Variants in PIWIL3 observed in about 807,000 individuals in gnomAD.
PIWIL3 encodes piwi-like protein 3.
Under a neutral mutation model 109.7 loss-of-function variants are expected in PIWIL3, and 101 were observed. The observed-to-expected ratio is 0.92, with a 90% CI of 0.78 to 1.09. The LOEUF is 1.09. Among genes scored for constraint, PIWIL3 ranks in the 50% least tolerant of loss-of-function variants. PIWIL3 has a pLI of 0.00. For missense variants in PIWIL3, 1,031 were observed against 1,072.6 expected, an observed-to-expected ratio of 0.96 and a Z score of 0.54; for synonymous variants, 373 against 376.4, an observed-to-expected ratio of 0.99 and a Z score of 0.10.
chr22:24,752,727 G>C lies in PIWIL3; in HGVS notation c.978-1229C>G, dbSNP rs540574031. 3.3e-5 allele frequency among the ~76,000 whole-genome samples: 5 copies of C among 152,216 alleles called. No individual in the cohort carries two copies. In the South Asian group the frequency reaches 1.0e-3, roughly 32 times the overall value. On this transcript the variant is annotated intron_variant, in intron 8 of 20. Transcript: ENST00000616349. The stretch of plus-strand genomic sequence containing the variant: ...GCCACTTCAGTAATGCATATCGTTA[G>C]CATTTTAAGAAAGTGCCAGACTGTT...
At position 24,754,092 on chromosome 22, in the gene PIWIL3, CT is replaced by C. The variant is rs1162327549; in HGVS notation, c.898del (p.Arg300GlufsTer15). The C allele has an allele frequency of 1.2e-6, 2 of 1,613,134 alleles. No homozygotes were observed. Among genetic ancestry groups the C allele is most frequent in the African/African-American group, 2.7e-5 (2 of 74,892 alleles). ...TCCTGTCTGGGCCTGGGCAGATGTT[CT>C]CTTTATGAAATCATAAGCAGTTTCT... is the stretch of plus-strand genomic sequence containing the variant. ...RIETAYDFIK[R>X]TSAQAQTGNI... On this transcript the variant is annotated frameshift_variant, in exon 8 of 21. Coordinates refer to ENST00000616349, the MANE Select transcript of PIWIL3 (RefSeq NM_001255975.1). LOFTEE classifies it high-confidence loss of function.
chr22:24,747,865 C>T (rs535575829), intron 12 of PIWIL3, among the ~76,000 whole-genome samples: 1 of 152,144 alleles, frequency 6.6e-6, no homozygotes, highest in Admixed American at 6.5e-5. Flanking sequence ...CTATGGAGAA[C>T]AGTTTGGAGG....
chr22:24,752,678 A>T (rs1924784030), intron 8 of PIWIL3, among the ~76,000 whole-genome samples: 1 of 151,942 alleles, frequency 6.6e-6, no homozygotes, highest in African/African-American at 2.4e-5. Context: ...TGTGAGACAA[A>T]CCTCATATAT....
At chr22:24,727,877 T>C in intron 16 of PIWIL3, 73 bp downstream of exon 16, 1 of 1,208,732 alleles carries the variant, frequency 8.3e-7, no homozygotes, top group Non-Finnish European at 1.2e-6. Context: ...TTAACACATA[T>C]TAATTAGGTT....
intron 14 of PIWIL3, among the ~76,000 whole-genome samples, chr22:24,729,836 C>G (rs986548991): frequency 3.3e-5 from 5 of 151,674 alleles, no homozygotes; most frequent in African/African-American, 1.2e-4. Flanking sequence ...CTGAAGGTGA[C>G]TTATTTCAAA....
At chr22:24,771,427 A>G (rs886875730) in intron 1 of PIWIL3, among the ~76,000 whole-genome samples, 2 of 150,952 alleles carry the variant, frequency 1.3e-5, no homozygotes, top group African/African-American at 4.9e-5. Flanking sequence ...TTGTGAGCCA[A>G]GATCACACCA....
intron 18 of PIWIL3, among the ~76,000 whole-genome samples, chr22:24,723,945 TGA>T (rs1291846739): frequency 6.6e-6 from 1 of 152,178 alleles, no homozygotes; most frequent in African/African-American, 2.4e-5. Context: ...CCCAAAGTGC[TGA>T]GATTACAGGC....
At chr22:24,770,621 G>A (rs527691796) in intron 1 of PIWIL3, among the ~76,000 whole-genome samples, 21 of 144,862 alleles carry the variant, frequency 1.4e-4, no homozygotes, top group Non-Finnish European at 3.0e-5. Flanking sequence ...TCAGGAGTTC[G>A]AGACCAGCCT....
At position 24,774,345 on chromosome 22, in the gene PIWIL3, G is replaced by A. The variant is rs976451766; in HGVS notation, c.-46C>T. 3 of 152,076 alleles carry A rather than the reference G, an allele frequency of 2.0e-5. No individual in the cohort carries two copies. The highest frequency in any genetic ancestry group is 7.3e-5 in the African/African-American group (3 of 41,368). 9.4% of individuals were successfully genotyped at this position (152,076 alleles called of 1,614,324 possible). ...ACTTATCTGGTCACATATTTCCTTAGAAGCTTCAGTAGTCAGATCCTGATA... is the reference window on the plus strand; with the variant it reads ...ACTTATCTGGTCACATATTTCCTTAAAAGCTTCAGTAGTCAGATCCTGATA... On this transcript the variant is annotated 5_prime_UTR_variant, in exon 1 of 21. Coordinates refer to ENST00000616349, the MANE Select transcript of PIWIL3 (RefSeq NM_001255975.1).
chr22:24,720,125 G>GT (rs1922575410), intron 19 of PIWIL3, among the ~76,000 whole-genome samples: 1 of 152,052 alleles, frequency 6.6e-6, no homozygotes, highest in Admixed American at 6.5e-5. Flanking sequence ...TTGCCTTCAA[G>GT]TACATGCACT....
chr22:24,756,260 C>T (rs1273015587), intron 5 of PIWIL3, among the ~76,000 whole-genome samples: 1 of 151,950 alleles, frequency 6.6e-6, no homozygotes, highest in Admixed American at 6.6e-5. Flanking sequence ...ACTTTGTCAG[C>T]ATTTTTGAGC....
chr22:24,751,061 T>C (rs1170599149), intron 9 of PIWIL3, among the ~76,000 whole-genome samples: 1 of 151,504 alleles, frequency 6.6e-6, no homozygotes, highest in East Asian at 2.0e-4. Flanking sequence ...AAGGTAGAGG[T>C]TGCAATGAGT....
At position 24,756,725 on chromosome 22, in the gene PIWIL3, G is replaced by A. The variant is rs1925055125; in HGVS notation, c.356-20C>T. 6.3e-7 allele frequency: 1 copy of A among 1,585,534 alleles called. No individual in the cohort carries two copies. ...CTGAACCTGAAAAATGGAGCCACAT[G>A]ACAATAAAGAAACAGACTGATTGGG... On this transcript the variant is annotated intron_variant, in intron 4 of 20. Transcript: ENST00000616349.
intron 13 of PIWIL3, among the ~76,000 whole-genome samples, chr22:24,734,984 T>C (rs938235729): frequency 2.6e-5 from 4 of 151,906 alleles, no homozygotes; most frequent in Admixed American, 1.3e-4. Context: ...GAAGACTACA[T>C]ACTGTATGAG....
chr22:24,731,919 T>G (rs1266267416), intron 14 of PIWIL3, among the ~76,000 whole-genome samples: 1 of 152,170 alleles, frequency 6.6e-6, no homozygotes, highest in Non-Finnish European at 1.5e-5. Context: ...TATTTCTGCC[T>G]TATGTATCCC....
At chr22:24,768,652 A>G (rs1351598627) in intron 1 of PIWIL3, among the ~76,000 whole-genome samples, 13 of 152,184 alleles carry the variant, frequency 8.5e-5, no homozygotes, top group African/African-American at 2.2e-4. Context: ...TCTATGGGTG[A>G]CAGGGCCAAA....
chr22:24,763,066 C>T lies in PIWIL3; in HGVS notation c.-22-545G>A, dbSNP rs370404709. Among the ~76,000 whole-genome samples the T allele has an allele frequency of 1.3e-4, 20 of 152,044 alleles. 1 individual carries two copies. The highest frequency in any genetic ancestry group is 1.0e-3 in the Admixed American group (16 of 15,266). ...ACTAACGACACACATTCTCCTATCA[C>T]ATCAAAAAGACTGACTGCCCCCCGA... On this transcript the variant is annotated intron_variant, in intron 1 of 20. Coordinates refer to ENST00000616349, the MANE Select transcript of PIWIL3 (RefSeq NM_001255975.1).
intron 3 of PIWIL3, among the ~76,000 whole-genome samples, chr22:24,758,826 TTCA>T (rs142093388): frequency 0.012 from 1,875 of 152,286 alleles, 37 homozygotes; most frequent in African/African-American, 0.043. Context: ...AGCAATCAAA[TTCA>T]TCATATTAAA....
At chr22:24,752,776 A>C (rs1868275956) in intron 8 of PIWIL3, among the ~76,000 whole-genome samples, 1 of 152,094 alleles carries the variant, frequency 6.6e-6, no homozygotes, top group African/African-American at 2.4e-5. Flanking sequence ...ATACCATTTA[A>C]TATTCCTACA....
Sources: allele counts gnomAD v4.1 joint callset (sites outside exome capture counted in the v4.1 genomes callset), GRCh38; gene constraint gnomAD v4.1.1; transcripts MANE v1.5; gene names NCBI Gene and HGNC (gene_info 2026-07-23, HGNC 2026-07-21).